The following AZIN2 variants were observed in gnomAD, a reference collection of about 807,000 sequenced individuals.
AZIN2 encodes the protein ODC antizyme inhibitor-2.
AZIN2 carries 28 observed loss-of-function variants against 47.8 expected under a neutral mutation model. That is an observed-to-expected ratio of 0.59 (90% CI 0.43 to 0.80). AZIN2 has a LOEUF of 0.80. AZIN2 is among the 30% of genes least tolerant of loss of function. The pLI is 0.00. For missense variants in AZIN2, 535 were observed against 582.5 expected (o/e 0.92, Z 0.84); for synonymous variants, 221 against 239.4 (o/e 0.92, Z 0.71).
chr1:33,141,860 A>AT, the AZIN2 span: 1 of 162,604 alleles, frequency 6.1e-6, no homozygotes, highest in Non-Finnish European at 1.3e-5. Flanking sequence ...AAACTGTACT[A>AT]TTTTGTATTT....
intron 10 of AZIN2, among the ~76,000 whole-genome samples, chr1:33,103,039 C>G (rs1340043856): frequency 6.6e-6 from 1 of 152,128 alleles, no homozygotes; most frequent in Admixed American, 6.5e-5. Context: ...TGAATTCTTC[C>G]TCTGTCGCCA....
intron 10 of AZIN2, among the ~76,000 whole-genome samples, chr1:33,110,929 C>G (rs1195494843): frequency 6.6e-6 from 1 of 152,212 alleles, no homozygotes; most frequent in African/African-American, 2.4e-5. Flanking sequence ...AAGGCAGGAA[C>G]TTAGAAACAC....
the AZIN2 span, among the ~76,000 whole-genome samples, chr1:33,136,125 T>TG: frequency 7.7e-6 from 1 of 129,274 alleles, no homozygotes; most frequent in African/African-American, 2.9e-5. Flanking sequence ...CTTCCTTCCT[T>TG]CCTTCCTTCC....
the AZIN2 span, among the ~76,000 whole-genome samples, chr1:33,149,635 CAT>C: frequency 6.8e-6 from 1 of 146,770 alleles, no homozygotes; most frequent in Non-Finnish European, 1.5e-5. Context: ...TTAAATTTTT[CAT>C]AGAGATGAGG....
At chr1:33,146,851 GA>G in the AZIN2 span, 1 of 384,346 alleles carries the variant, frequency 2.6e-6, no homozygotes, top group Non-Finnish European at 4.8e-6. Flanking sequence ...GGCTGGGCTG[GA>G]GGGAGACACT....
the AZIN2 span, among the ~76,000 whole-genome samples, chr1:33,154,819 C>T: frequency 9.5e-5 from 14 of 147,070 alleles, no homozygotes; most frequent in South Asian, 4.3e-4. Flanking sequence ...AGTGGCCAGG[C>T]GCGGTGATTC....
At chr1:33,086,548 G>T (rs75684534) in intron 5 of AZIN2, among the ~76,000 whole-genome samples, 1 of 152,330 alleles carries the variant, frequency 6.6e-6, no homozygotes, top group Non-Finnish European at 1.5e-5. Flanking sequence ...TCTTCTGGTC[G>T]TCTGTAGTGG....
At chr1:33,107,744 A>T (rs2124618082) in intron 10 of AZIN2, among the ~76,000 whole-genome samples, 2 of 152,374 alleles carry the variant, frequency 1.3e-5, no homozygotes, top group Middle Eastern at 3.4e-3. Context: ...TTATAATTGC[A>T]TCAAAAAATT....
chr1:33,093,101 T>C, intron 6 of AZIN2, 181 bp from the exon 7 acceptor site: 1 of 742,266 alleles, frequency 1.3e-6, no homozygotes, highest in Non-Finnish European at 2.1e-6. Flanking sequence ...GTCAGGGACA[T>C]TTAGAGAATG....
At chr1:33,115,848 G>A (rs1423242807) in intron 10 of AZIN2, among the ~76,000 whole-genome samples, 1 of 151,952 alleles carries the variant, frequency 6.6e-6, no homozygotes, top group Non-Finnish European at 1.5e-5. Flanking sequence ...ATAATCCAAG[G>A]GTGCCTTTTC....
chr1:33,140,739 G>T, the AZIN2 span, among the ~76,000 whole-genome samples: 3 of 152,252 alleles, frequency 2.0e-5, no homozygotes, highest in East Asian at 5.8e-4. The surrounding 1 kb of genome is among the most constrained non-coding windows in gnomAD (Gnocchi z 4.0). Flanking sequence ...GCCAGCAAAG[G>T]AGGACCAGGT....
rs1644830220 is a variant in AZIN2, at chr1:33,123,363, A to T, written c.*3181A>T. Among the ~76,000 whole-genome samples the T allele has an allele frequency of 6.6e-6, 1 of 152,186 alleles. No homozygotes were observed. On this transcript the variant is annotated 3_prime_UTR_variant, in exon 12 of 12. Transcript: ENST00000294517. ...TGTGAGCTCTAGGCTCTTGGAATAA[A>T]CCTGATTTATTTTTTCACTGCTGTG...
the AZIN2 span, among the ~76,000 whole-genome samples, chr1:33,160,522 A>T: frequency 1.3e-5 from 2 of 152,050 alleles, no homozygotes; most frequent in Non-Finnish European, 2.9e-5. Flanking sequence ...CTCCAGCCTC[A>T]GCCTCCCTAG....
At chr1:33,165,451 C>T in the AZIN2 span, 3 of 1,568,474 alleles carry the variant, frequency 1.9e-6, no homozygotes, top group South Asian at 2.3e-5. This position sits in a 1 kb window ranked among gnomAD's most constrained non-coding sequence, Gnocchi z 4.0. Flanking sequence ...GCCCCACCTC[C>T]GCGCCCCGGC....
chr1:33,166,743 A>G, the AZIN2 span, among the ~76,000 whole-genome samples: 1 of 152,102 alleles, frequency 6.6e-6, no homozygotes, highest in Non-Finnish European at 1.5e-5. Flanking sequence ...AATAACAACA[A>G]ATCCACAACA....
At chr1:33,128,813 T>C in the AZIN2 span, among the ~76,000 whole-genome samples, 1 of 152,222 alleles carries the variant, frequency 6.6e-6, no homozygotes, top group East Asian at 1.9e-4. Context: ...ATCCTACTTA[T>C]GGAAAAATCA....
chr1:33,110,279 A>G (rs1003118823), intron 10 of AZIN2, among the ~76,000 whole-genome samples: 1 of 152,226 alleles, frequency 6.6e-6, no homozygotes, highest in Non-Finnish European at 1.5e-5. Flanking sequence ...AGAAGCAAAC[A>G]AATTCTCTCT....
the AZIN2 span, among the ~76,000 whole-genome samples, chr1:33,133,951 C>T: frequency 7.2e-5 from 11 of 152,260 alleles, no homozygotes; most frequent in Non-Finnish European, 1.2e-4. Context: ...CCTTATCTTA[C>T]TCAACCTGGC....
chr1:33,148,925 C>T, the AZIN2 span, among the ~76,000 whole-genome samples: 1 of 152,174 alleles, frequency 6.6e-6, no homozygotes, highest in Non-Finnish European at 1.5e-5. Context: ...TAACCAAGGT[C>T]GTCTGCAATC....
Sources: gnomAD v4.1 joint callset for allele counts (sites outside exome capture counted in the v4.1 genomes callset) on GRCh38, gnomAD v4.1.1 for gene constraint, Gnocchi (gnomAD v3.1) non-coding constraint, MANE v1.5 for transcripts, NCBI Gene and HGNC (gene_info 2026-07-23, HGNC 2026-07-21) for gene names.